The following PLXDC2 variants were observed in gnomAD, a reference collection of about 807,000 sequenced individuals.
PLXDC2 encodes the protein plexin domain containing 2, also known as plexin domain-containing protein 2.
In PLXDC2, 40 loss-of-function variants were observed where a neutral mutation model predicts 68.9. The ratio of observed to expected loss-of-function variants is 0.58; its 90% CI spans 0.45 to 0.76. The LOEUF is 0.76. PLXDC2 is among the 30% of genes least tolerant of loss of function. PLXDC2 has a pLI of 0.00. For missense variants in PLXDC2, 644 were observed against 661.9 expected, an observed-to-expected ratio of 0.97 and a Z score of 0.30; for synonymous variants, 243 against 234.2, an observed-to-expected ratio of 1.04 and a Z score of -0.34.
rs747488650 is a variant in PLXDC2 at position 20,001,917 on chromosome 10, C to A, written c.255C>A (p.Asp85Glu). Residue 85 changes from aspartate to glutamate, a missense_variant, in exon 2 of 14, where the codon GAC becomes GAA. Asp to Glu is a conservative substitution (Grantham distance 45). Coordinates refer to ENST00000377252, the MANE Select transcript of PLXDC2 (RefSeq NM_032812.9). Reference sequence around the variant, plus strand: ...CGAACCGAGCAAGCGTCGGCCAAGACTCTCCTGAGCCCAGAAGCTTCACAG... The same window carrying A: ...CGAACCGAGCAAGCGTCGGCCAAGAATCTCCTGAGCCCAGAAGCTTCACAG... ...VDTNRASVGQ[D>E]SPEPRSFTDL... The A allele has an allele frequency of 1.2e-6, 2 of 1,613,456 alleles. No individual in the cohort carries two copies. Among genetic ancestry groups the A allele is most frequent in the South Asian group, 2.2e-5 (2 of 91,054 alleles).
chr10:20,103,309 T>C (rs1833446687), intron 4 of PLXDC2, among the ~76,000 whole-genome samples: 1 of 152,224 alleles, frequency 6.6e-6, no homozygotes, highest in African/African-American at 2.4e-5. Context: ...TTTTTAATAC[T>C]GTTTTATGGA....
rs375692066 is a variant in PLXDC2, at chr10:20,151,782, T to A, written c.783+3880T>A. On this transcript the variant is annotated intron_variant, in intron 6 of 13. Transcript: ENST00000377252. ...TAATTACAAGGAGTAAAATTTTCTGTTCCTGTCCAAGCTAAACTTGCCAAA... is the reference window on the plus strand; with the variant it reads ...TAATTACAAGGAGTAAAATTTTCTGATCCTGTCCAAGCTAAACTTGCCAAA... Among the ~76,000 whole-genome samples the A allele has an allele frequency of 4.2e-4, 64 of 152,210 alleles. No individual in the cohort carries two copies. The East Asian group carries it at 7.7e-3, about 18-fold the overall frequency.
intron 1 of PLXDC2, among the ~76,000 whole-genome samples, chr10:19,877,597 T>C (rs1418053587): frequency 1.3e-5 from 2 of 152,236 alleles, no homozygotes; most frequent in African/African-American, 2.4e-5. Flanking sequence ...AATGTGGACC[T>C]GATAACCCAG....
chr10:19,964,241 T>C (rs1333719616), intron 1 of PLXDC2, among the ~76,000 whole-genome samples: 1 of 152,164 alleles, frequency 6.6e-6, no homozygotes. Context: ...CCATTGATTC[T>C]GGGGAGCCGG....
intron 13 of PLXDC2, among the ~76,000 whole-genome samples, chr10:20,260,758 T>C (rs1298355398): frequency 6.6e-6 from 1 of 152,198 alleles, no homozygotes; most frequent in African/African-American, 2.4e-5. Flanking sequence ...TTTAATTTTT[T>C]GAGTAAACTT....
intron 7 of PLXDC2, among the ~76,000 whole-genome samples, chr10:20,174,479 A>G (rs1834497967): frequency 6.6e-6 from 1 of 152,134 alleles, no homozygotes; most frequent in Non-Finnish European, 1.5e-5. Flanking sequence ...TTCCAATGTG[A>G]TACGCCTGAG....
intron 7 of PLXDC2, among the ~76,000 whole-genome samples, chr10:20,171,145 C>G (rs556272422): frequency 6.6e-6 from 1 of 151,922 alleles, no homozygotes; most frequent in Non-Finnish European, 1.5e-5. Context: ...ACGAAAAATA[C>G]AAATAATCTT....
intron 1 of PLXDC2, among the ~76,000 whole-genome samples, chr10:19,974,953 GT>G (rs1834423337): frequency 6.6e-6 from 1 of 152,244 alleles, no homozygotes; most frequent in African/African-American, 2.4e-5. Flanking sequence ...TGTTAGACAA[GT>G]TATCATTATT....
rs186802024 is a variant in PLXDC2 at position 20,071,795 on chromosome 10, T to A, written c.541+3556T>A. Reference sequence around the variant, plus strand: ...AGATCATGCTTGTTGGGCCAGTCAATTAAGAAGAGTCTGGGAAAGTGATAA... The same window carrying A: ...AGATCATGCTTGTTGGGCCAGTCAAATAAGAAGAGTCTGGGAAAGTGATAA... On this transcript the variant is annotated intron_variant, in intron 4 of 13. Transcript: ENST00000377252. Among the ~76,000 whole-genome samples, 45 of 152,236 alleles carry A rather than the reference T, an allele frequency of 3.0e-4. No homozygotes were observed. The East Asian group carries it at 8.5e-3, about 29-fold the overall frequency.
At chr10:20,142,808 A>G (rs1424661379) in intron 4 of PLXDC2, among the ~76,000 whole-genome samples, 2 of 152,030 alleles carry the variant, frequency 1.3e-5, no homozygotes, top group Admixed American at 1.3e-4. Flanking sequence ...TCAAGAAAAA[A>G]AAAAAGAATC....
intron 1 of PLXDC2, among the ~76,000 whole-genome samples, chr10:19,859,948 T>C (rs1031123804): frequency 6.6e-6 from 1 of 152,144 alleles, no homozygotes; most frequent in Non-Finnish European, 1.5e-5. Context: ...TGCAGGCTGC[T>C]CAAACTCCTG....
intron 9 of PLXDC2, among the ~76,000 whole-genome samples, chr10:20,196,019 C>T (rs950631130): frequency 2.0e-5 from 3 of 152,052 alleles, no homozygotes; most frequent in South Asian, 2.1e-4. Flanking sequence ...TCAAGTATAA[C>T]GTTTGGTATG....
chr10:19,938,537 C>T (rs1833765960), intron 1 of PLXDC2, among the ~76,000 whole-genome samples: 1 of 151,958 alleles, frequency 6.6e-6, no homozygotes, highest in South Asian at 2.1e-4. Context: ...ATTTGAACAG[C>T]CAGATCTCAC....
chr10:19,952,314 A>C (rs1834003790), intron 1 of PLXDC2, among the ~76,000 whole-genome samples: 2 of 152,174 alleles, frequency 1.3e-5, no homozygotes, highest in South Asian at 4.1e-4. Context: ...CATAAAGTGA[A>C]TTATTCATTA....
chr10:19,869,543 C>G (rs537995730), intron 1 of PLXDC2, among the ~76,000 whole-genome samples: 167 of 149,778 alleles, frequency 1.1e-3, no homozygotes, highest in African/African-American at 3.7e-3. Context: ...CATTTTTTCT[C>G]ATTTGTACAA....
intron 3 of PLXDC2, among the ~76,000 whole-genome samples, chr10:20,059,989 A>C (rs1449417058): frequency 6.6e-6 from 1 of 152,112 alleles, no homozygotes; most frequent in Non-Finnish European, 1.5e-5. Flanking sequence ...AAGCCTATCA[A>C]TTTTAACATT....
intron 9 of PLXDC2, among the ~76,000 whole-genome samples, chr10:20,181,780 T>C (rs1419068203): frequency 6.6e-6 from 1 of 151,838 alleles, no homozygotes; most frequent in Non-Finnish European, 1.5e-5. Context: ...CTAGGGAGAG[T>C]TTTATCCTCA....
At chr10:19,969,120 T>A (rs1386510690) in intron 1 of PLXDC2, among the ~76,000 whole-genome samples, 5 of 152,240 alleles carry the variant, frequency 3.3e-5, no homozygotes, top group African/African-American at 1.2e-4. Context: ...TAGCCTAAGT[T>A]ACAATATGCT....
intron 12 of PLXDC2, among the ~76,000 whole-genome samples, chr10:20,219,481 T>C (rs1308158489): frequency 6.6e-6 from 1 of 152,164 alleles, no homozygotes; most frequent in Non-Finnish European, 1.5e-5. Flanking sequence ...ATGCATAAAA[T>C]TAGAAATACA....
Sources: gnomAD v4.1 joint callset for allele counts (sites outside exome capture counted in the v4.1 genomes callset) on GRCh38, gnomAD v4.1.1 for gene constraint, MANE v1.5 for transcripts, NCBI Gene and HGNC (gene_info 2026-07-23, HGNC 2026-07-21) for gene names.